CSMD1: variants seen among roughly 807,000 people sequenced by gnomAD.
CSMD1 encodes the protein CUB and sushi domain-containing protein 1.
In CSMD1, 213 loss-of-function variants were observed where a neutral mutation model predicts 417.5. The observed-to-expected ratio is 0.51, with a 90% CI of 0.46 to 0.57. The LOEUF is 0.57. Among genes scored for constraint, CSMD1 ranks in the 20% least tolerant of loss-of-function variants. The pLI, the probability that CSMD1 is intolerant of heterozygous loss-of-function variation, is 0.00. For synonymous variants in CSMD1, 2,862 were observed against 1,736.8 expected, an observed-to-expected ratio of 1.65 and a Z score of -16.11; for missense variants, 6,923 against 4,529.7, an observed-to-expected ratio of 1.53 and a Z score of -15.17.
At chr8:3,689,339 T>C (rs568574706) in intron 7 of CSMD1, among the ~76,000 whole-genome samples, 22 of 152,308 alleles carry the variant, frequency 1.4e-4, no homozygotes, top group African/African-American at 5.1e-4. Context: ...ACTCCAGTAT[T>C]GTCCTCCCCT....
intron 26 of CSMD1, among the ~76,000 whole-genome samples, chr8:3,278,148 C>A: frequency 6.6e-6 from 1 of 151,894 alleles, no homozygotes; most frequent in African/African-American, 2.4e-5. Flanking sequence ...TAAGGAGGAA[C>A]AAGAGAGAAT....
At position 3,605,391 on chromosome 8, in the gene CSMD1, C is replaced by T. The variant is rs183008880; in HGVS notation, c.1097+11319G>A. On this transcript the variant is annotated intron_variant, in intron 8 of 69. Transcript: ENST00000635120. ...TTTTCATGTAACAAGAGACAGGTGC[C>T]TCTGCTCTCGCTGGAGTTGACCTAC... 1.6e-3 allele frequency among the ~76,000 whole-genome samples: 245 copies of T among 152,266 alleles called. 1 individual carries two copies. The highest frequency in any genetic ancestry group is 5.8e-3 in the African/African-American group (240 of 41,544).
chr8:4,517,687 A>G (rs890781491), intron 2 of CSMD1, among the ~76,000 whole-genome samples: 2 of 152,254 alleles, frequency 1.3e-5, no homozygotes, highest in Non-Finnish European at 2.9e-5. Flanking sequence ...GTTAATAATC[A>G]AACACTCAAA....
Position 4,440,968 on chromosome 8 carries a change from G to C in CSMD1, c.303-20903C>G, listed in dbSNP as rs373026892. On this transcript the variant is annotated intron_variant, in intron 2 of 69. Coordinates refer to ENST00000635120, the MANE Select transcript of CSMD1 (RefSeq NM_033225.6). ...GCCGAGATCATGCCACTGCACTTCA[G>C]CCTAGATGACACAGTGAGACTCTAT... 4.0e-4 allele frequency among the ~76,000 whole-genome samples: 60 copies of C among 149,400 alleles called. 1 individual carries two copies. Among genetic ancestry groups the C allele is most frequent in the South Asian group, 2.5e-3 (12 of 4,712 alleles).
At chr8:4,454,868 A>C (rs752580932) in intron 2 of CSMD1, among the ~76,000 whole-genome samples, 4 of 152,192 alleles carry the variant, frequency 2.6e-5, no homozygotes, top group East Asian at 1.9e-4. Context: ...AAAGAAACTT[A>C]ATCTAAATGG....
At chr8:3,940,096 C>G (rs529792880) in intron 5 of CSMD1, among the ~76,000 whole-genome samples, 2 of 152,038 alleles carry the variant, frequency 1.3e-5, no homozygotes, top group Non-Finnish European at 2.9e-5. Flanking sequence ...AATGCAGATA[C>G]GCCTTACACA....
At chr8:4,838,502 A>C (rs1800635759) in intron 1 of CSMD1, among the ~76,000 whole-genome samples, 1 of 152,252 alleles carries the variant, frequency 6.6e-6, no homozygotes, top group Admixed American at 6.5e-5. Flanking sequence ...ATTCTGTCTC[A>C]TAACTTTCCC....
intron 2 of CSMD1, among the ~76,000 whole-genome samples, chr8:4,544,438 T>A (rs1797546118): frequency 6.6e-6 from 1 of 152,130 alleles, no homozygotes; most frequent in East Asian, 1.9e-4. Context: ...TTGTAATAGT[T>A]ATATGTAGTT....
chr8:4,975,889 T>A (rs1294093452), intron 1 of CSMD1, among the ~76,000 whole-genome samples: 1 of 152,182 alleles, frequency 6.6e-6, no homozygotes, highest in South Asian at 2.1e-4. Flanking sequence ...AATTAGAGGA[T>A]TAAATAGTAT....
chr8:3,233,469 C>T (rs1198208407), intron 26 of CSMD1, among the ~76,000 whole-genome samples: 1 of 152,118 alleles, frequency 6.6e-6, no homozygotes. Flanking sequence ...TTATAAATTA[C>T]CCAGTTTCAG....
intron 8 of CSMD1, among the ~76,000 whole-genome samples, chr8:3,614,252 T>C (rs544780726): frequency 4.3e-4 from 65 of 152,238 alleles, no homozygotes; most frequent in Admixed American, 2.6e-3. Flanking sequence ...AAGTGACAGA[T>C]TGAAATTCTC....
At chr8:2,973,894 A>AGAGGATGGTGGTAGAGGATGG (rs1804686088) in intron 56 of CSMD1, among the ~76,000 whole-genome samples, 2 of 112,124 alleles carry the variant, frequency 1.8e-5, no homozygotes, top group African/African-American at 8.2e-5. Flanking sequence ...GTAGAGGATG[A>AGAGGATGGTGGTAGAGGATGG]TGGTAGAGGA....
intron 12 of CSMD1, among the ~76,000 whole-genome samples, chr8:3,465,536 C>G (rs1207566094): frequency 6.6e-6 from 1 of 152,044 alleles, no homozygotes; most frequent in East Asian, 1.9e-4. Context: ...AAAGCATCCT[C>G]CAGGGAGATT....
chr8:4,422,520 T>C (rs188832131), intron 2 of CSMD1, among the ~76,000 whole-genome samples: 5 of 152,138 alleles, frequency 3.3e-5, no homozygotes, highest in Admixed American at 6.6e-5. Context: ...GAAAAGACCA[T>C]GTGAGCATGG....
chr8:4,919,660 A>G (rs1274854367), intron 1 of CSMD1, among the ~76,000 whole-genome samples: 1 of 152,212 alleles, frequency 6.6e-6, no homozygotes, highest in Admixed American at 6.5e-5. Flanking sequence ...AGTACATTGT[A>G]CTACTAATTA....
chr8:4,200,478 T>C (rs769404579), intron 3 of CSMD1, among the ~76,000 whole-genome samples: 22 of 152,292 alleles, frequency 1.4e-4, no homozygotes, highest in Admixed American at 7.8e-4. Context: ...CAAAGTTGAA[T>C]CTCAGAGATA....
At chr8:4,465,729 T>C (rs558274048) in intron 2 of CSMD1, among the ~76,000 whole-genome samples, 1 of 152,280 alleles carries the variant, frequency 6.6e-6, no homozygotes, top group East Asian at 1.9e-4. Context: ...ATGCTGGTGT[T>C]TGGAGGAACT....
intron 5 of CSMD1, among the ~76,000 whole-genome samples, chr8:3,961,219 T>G (rs1364952365): frequency 6.6e-6 from 1 of 152,172 alleles, no homozygotes; most frequent in Non-Finnish European, 1.5e-5. Context: ...TTAAGGAGAT[T>G]TTCTTTACCA....
chr8:4,458,795 T>C (rs1039415833), intron 2 of CSMD1, among the ~76,000 whole-genome samples: 1 of 145,988 alleles, frequency 6.8e-6, no homozygotes, highest in Non-Finnish European at 1.5e-5. Flanking sequence ...GAATATTTAA[T>C]TTTTTTTAAC....
Sources: allele counts gnomAD v4.1 joint callset (sites outside exome capture counted in the v4.1 genomes callset), GRCh38; gene constraint gnomAD v4.1.1; transcripts MANE v1.5; gene names NCBI Gene and HGNC (gene_info 2026-07-23, HGNC 2026-07-21).